Variants in GAPDHS observed in about 807,000 individuals in gnomAD.
GAPDHS encodes the protein glyceraldehyde-3-phosphate dehydrogenase, testis-specific.
Under a neutral mutation model 48.7 loss-of-function variants are expected in GAPDHS, and 42 were observed. The ratio of observed to expected loss-of-function variants is 0.86; its 90% CI spans 0.67 to 1.12. The LOEUF (loss-of-function observed/expected upper bound fraction) is 1.12. Among genes scored for constraint, GAPDHS ranks in the 50% most tolerant of loss-of-function variants. GAPDHS has a pLI of 0.00. For missense variants in GAPDHS, 512 were observed against 557.7 expected (o/e 0.92, Z 0.82); for synonymous variants, 166 against 219.1 (o/e 0.76, Z 2.14).
Position 35,538,585 on chromosome 19 carries a change from G to GT in GAPDHS, c.354dup (p.Lys119Ter). 1.2e-6 allele frequency: 2 copies of GT among 1,601,644 alleles called. No individual in the cohort carries two copies. The highest frequency in any genetic ancestry group is 1.7e-6 in the Non-Finnish European group (2 of 1,168,750). ...CATTCCATCCCCCACAGGTGTACATGTTTAAGTATGACTCCACCCACGGCC... is the reference window on the plus strand; with the variant it reads ...CATTCCATCCCCCACAGGTGTACATGTTTTAAGTATGACTCCACCCACGGCC... On this transcript the variant is annotated frameshift_variant, in exon 4 of 11. Transcript: ENST00000222286. LOFTEE classifies it high-confidence loss of function.
Position 35,543,328 on chromosome 19 carries a change from C to T in GAPDHS, c.742-12C>T. On this transcript the variant is annotated splice_polypyrimidine_tract_variant and intron_variant, in intron 7 of 10. Transcript: ENST00000222286. ...GCATGAAGGCCTCATCTTGGTCCTTCTCTTCCCCAAGACCACAGTCCATTC... is the reference window on the plus strand; with the variant it reads ...GCATGAAGGCCTCATCTTGGTCCTTTTCTTCCCCAAGACCACAGTCCATTC... 1 of 1,609,146 alleles carries T rather than the reference C, an allele frequency of 6.2e-7. No homozygotes were observed.
intron 2 of GAPDHS, among the ~76,000 whole-genome samples, chr19:35,537,234 T>C (rs1034630554): frequency 1.3e-5 from 2 of 152,076 alleles, no homozygotes; most frequent in South Asian, 2.1e-4. Flanking sequence ...TAGAATCCAG[T>C]GGAAAAGTCA....
chr19:35,534,893 G>T (rs1295695071), intron 1 of GAPDHS, among the ~76,000 whole-genome samples: 1 of 151,364 alleles, frequency 6.6e-6, no homozygotes, highest in African/African-American at 2.4e-5. Flanking sequence ...CTTTGATTTG[G>T]TGCCAAAAAC....
chr19:35,542,257 A>G (rs1032481680), intron 4 of GAPDHS, 62 bp from the exon 5 acceptor site: 8 of 1,141,466 alleles, frequency 7.0e-6, no homozygotes, highest in African/African-American at 3.0e-5. Context: ...GGTGAAAGCC[A>G]TGGACTATGA....
intron 4 of GAPDHS, among the ~76,000 whole-genome samples, chr19:35,539,877 T>C (rs2071490135): frequency 1.3e-5 from 2 of 151,936 alleles, no homozygotes; most frequent in Non-Finnish European, 2.9e-5. Context: ...CCACTTGGAG[T>C]CATCCCTCTT....
Position 35,542,272 on chromosome 19 carries a change from G to T in GAPDHS, c.450-47G>T, listed in dbSNP as rs375126571. ...GGTGAAAGCCATGGACTATGAAGGT[G>T]GGGCTCAAGCAGGGGAGACTGACTC... On this transcript the variant is annotated intron_variant, in intron 4 of 10. Coordinates refer to ENST00000222286, the MANE Select transcript of GAPDHS (RefSeq NM_014364.5). The T allele has an allele frequency of 1.3e-4, 162 of 1,285,186 alleles. 4 individuals carry two copies. Among genetic ancestry groups the T allele is most frequent in the East Asian group, 1.2e-3 (50 of 43,270 alleles). The allele number at this position is 1,285,186 out of a possible 1,614,324, so 79.6% of individuals were successfully genotyped here.
Position 35,542,551 on chromosome 19 carries a change from T to G in GAPDHS, c.602T>G (p.Met201Arg), listed in dbSNP as rs1435312961. 1.2e-6 allele frequency: 2 copies of G among 1,613,946 alleles called. No individual in the cohort carries two copies. Among genetic ancestry groups the G allele is most frequent in the East Asian group, 4.5e-5 (2 of 44,882 alleles). The stretch of plus-strand genomic sequence containing the variant: ...TCCGCGCCCTCACCGGATGCACCAA[T>G]GTTCGTCATGGGTGTCAATGAAAAT... ...VISAPSPDAPMFVMGVNENDY... is the reference protein window; with the variant it reads ...VISAPSPDAPRFVMGVNENDY... Residue 201 changes from methionine to arginine, a missense_variant, in exon 6 of 11, where the codon ATG (methionine) becomes AGG (arginine). Met to Arg is a moderately conservative substitution (Grantham distance 91). Transcript: ENST00000222286.
Position 35,533,587 on chromosome 19 carries a change from G to T in GAPDHS, c.60G>T (p.Pro20=), listed in dbSNP as rs766730375. ...CCGTTGTCCAGTTGCTGCGACAGCC[G>T]TGCCCGGGTGAGGGAGGCAGCGGAG... ...NVTVVQLLRQ[P]CPVTRAPPPP... Residue 20 remains proline (P), a synonymous_variant, in exon 1 of 11, where the codon CCG becomes CCT. Transcript: ENST00000222286. 2 of 1,611,208 alleles carry T rather than the reference G, an allele frequency of 1.2e-6. No individual in the cohort carries two copies. Among genetic ancestry groups the T allele is most frequent in the Non-Finnish European group, 8.5e-7 (1 of 1,178,986 alleles).
intron 4 of GAPDHS, chr19:35,542,012 G>C (rs1330062763): frequency 2.4e-6 from 1 of 410,372 alleles, no homozygotes; most frequent in African/African-American, 2.0e-5. Context: ...GTCTGGGCTG[G>C]CTGACAGCAG....
chr19:35,537,473 G>C (rs2071473370), intron 2 of GAPDHS, among the ~76,000 whole-genome samples: 1 of 152,200 alleles, frequency 6.6e-6, no homozygotes, highest in African/African-American at 2.4e-5. Context: ...AAGGGAAAAG[G>C]AGGGAGGCCA....
At position 35,542,555 on chromosome 19, in the gene GAPDHS, C is replaced by T. The variant is rs2071511950; in HGVS notation, c.606C>T (p.Phe202=). 2.5e-6 allele frequency: 4 copies of T among 1,613,754 alleles called. No homozygotes were observed. The highest frequency in any genetic ancestry group is 1.3e-5 in the African/African-American group (1 of 74,986). Residue 202 remains phenylalanine, a synonymous_variant, in exon 6 of 11, where the codon TTC becomes TTT. Transcript: ENST00000222286. ...ISAPSPDAPM[F]VMGVNENDYN... is the part of the protein sequence containing the mutation. ...CGCCCTCACCGGATGCACCAATGTT[C>T]GTCATGGGTGTCAATGAAAATGACT...
intron 1 of GAPDHS, among the ~76,000 whole-genome samples, chr19:35,534,183 C>CCG (rs10532876): frequency 0.023 from 3,450 of 151,744 alleles, 106 homozygotes; most frequent in African/African-American, 0.077. Context: ...GGCGGCGCGC[C>CCG]CGCGCGCGCG....
chr19:35,540,540 G>A (rs767495696), intron 4 of GAPDHS, among the ~76,000 whole-genome samples: 1 of 149,686 alleles, frequency 6.7e-6, no homozygotes, highest in Non-Finnish European at 1.5e-5. Flanking sequence ...GCAGGAGACA[G>A]GAAGAGGATA....
chr19:35,544,915 T>C lies in GAPDHS; in HGVS notation c.1063T>C (p.Ser355Pro). The change falls in exon 10 of 11, where the codon TCT (serine) becomes CCT (proline). Residue 355 changes from serine to proline, a missense_variant. Transcript: ENST00000222286. ...ILAYTEDEVV[S>P]TDFLGDTHSS... ...TTGAAATTCTGACTTCCAGGTCGTC[T>C]CTACGGACTTCCTCGGTGATACCCA... is the stretch of plus-strand genomic sequence containing the variant. The C allele has an allele frequency of 6.2e-7, 1 of 1,609,468 alleles. No individual in the cohort carries two copies. Among genetic ancestry groups the C allele is most frequent in the Non-Finnish European group, 8.5e-7 (1 of 1,175,692 alleles).
intron 1 of GAPDHS, among the ~76,000 whole-genome samples, chr19:35,535,831 G>A (rs1313872852): frequency 6.0e-5 from 9 of 149,710 alleles, no homozygotes; most frequent in Non-Finnish European, 1.2e-4. Context: ...GTGCAGTGGC[G>A]CAATCTCGGC....
chr19:35,544,970 T>C lies in GAPDHS; in HGVS notation c.1118T>C (p.Ile373Thr), dbSNP rs765970799. 1.1e-5 allele frequency: 18 copies of C among 1,613,932 alleles called. No individual in the cohort carries two copies. The highest frequency in any genetic ancestry group is 1.4e-5 in the Non-Finnish European group (16 of 1,179,816). The stretch of plus-strand genomic sequence containing the variant: ...TCCATCTTCGATGCTAAGGCCGGCA[T>C]TGCGCTCAATGACAATTTCGTGAAG... ...HSSIFDAKAG[I>T]ALNDNFVKLI... The change falls in exon 10 of 11, where the codon ATT (isoleucine) becomes ACT (threonine). Residue 373 changes from isoleucine (I) to threonine (T), a missense_variant. Physicochemically the swap from Ile to Thr is moderately conservative, Grantham distance 89. Coordinates refer to ENST00000222286, the MANE Select transcript of GAPDHS (RefSeq NM_014364.5).
intron 4 of GAPDHS, 47 bp from the exon 5 acceptor site, chr19:35,542,272 G>A (rs375126571): frequency 1.6e-6 from 2 of 1,285,304 alleles, no homozygotes; most frequent in East Asian, 4.6e-5. Flanking sequence ...CTATGAAGGT[G>A]GGGCTCAAGC....
At chr19:35,544,855 C>A in intron 9 of GAPDHS, 54 bp from the exon 10 acceptor site, 1 of 1,039,556 alleles carries the variant, frequency 9.6e-7, no homozygotes, top group South Asian at 1.3e-5. Flanking sequence ...GGCCTCAGCT[C>A]CTGGAGGTCC....
intron 4 of GAPDHS, 27 bp from the exon 5 acceptor site, chr19:35,542,292 T>C (rs1221144799): frequency 6.6e-7 from 1 of 1,504,034 alleles, no homozygotes; most frequent in Non-Finnish European, 9.2e-7. Flanking sequence ...CAGGGGAGAC[T>C]GACTCAGCCC....
Sources: gnomAD v4.1 joint callset for allele counts (sites outside exome capture counted in the v4.1 genomes callset) on GRCh38, gnomAD v4.1.1 for gene constraint, MANE v1.5 for transcripts, NCBI Gene and HGNC (gene_info 2026-07-23, HGNC 2026-07-21) for gene names.